The following AP3B1 variants were observed in gnomAD, a reference collection of about 807,000 sequenced individuals.
AP3B1 encodes AP-3 complex subunit beta-1.
In AP3B1, 61 loss-of-function variants were observed where a neutral mutation model predicts 132.5. The ratio of observed to expected loss-of-function variants is 0.46; its 90% confidence interval spans 0.37 to 0.57. The LOEUF is 0.57. AP3B1 is among the 20% of genes least tolerant of loss of function. The pLI is 0.00. For synonymous variants in AP3B1, 388 were observed against 438.3 expected (o/e 0.89, Z 1.43); for missense variants, 1,120 against 1,289.4 (o/e 0.87, Z 2.01).
intron 1 of AP3B1, among the ~76,000 whole-genome samples, chr5:78,279,882 G>GACTTAAATATATATATATA: frequency 7.3e-6 from 1 of 137,122 alleles, no homozygotes; most frequent in Non-Finnish European, 1.6e-5. Flanking sequence ...ATATATATAT[G>GACTTAAATATATATATATA]ACTTAAATAT....
intron 3 of AP3B1, among the ~76,000 whole-genome samples, chr5:78,229,246 GT>G (rs1405980244): frequency 6.6e-6 from 1 of 152,126 alleles, no homozygotes; most frequent in African/African-American, 2.4e-5. Flanking sequence ...TTGAAAACAA[GT>G]TTTAAAGGTA....
chr5:78,217,273 T>C (rs546168497), intron 6 of AP3B1, among the ~76,000 whole-genome samples: 9 of 152,274 alleles, frequency 5.9e-5, no homozygotes, highest in African/African-American at 1.9e-4. Context: ...TTTATTAATA[T>C]GCAACCAACA....
intron 6 of AP3B1, among the ~76,000 whole-genome samples, chr5:78,223,753 C>T (rs1401023873): frequency 6.6e-6 from 1 of 152,010 alleles, no homozygotes; most frequent in East Asian, 1.9e-4. Context: ...TATTATAAAC[C>T]CTACAAATCT....
intron 26 of AP3B1, among the ~76,000 whole-genome samples, chr5:78,006,669 A>G (rs1175821407): frequency 6.6e-6 from 1 of 152,214 alleles, no homozygotes; most frequent in Non-Finnish European, 1.5e-5. Flanking sequence ...ATGAGAACAA[A>G]TAAGTGCGAT....
chr5:78,272,153 C>T (rs1748573286), intron 1 of AP3B1, among the ~76,000 whole-genome samples: 1 of 152,178 alleles, frequency 6.6e-6, no homozygotes, highest in African/African-American at 2.4e-5. Flanking sequence ...AACAACTTAA[C>T]TCTTTCAAGT....
At chr5:78,104,316 T>TA (rs1751247033) in intron 20 of AP3B1, among the ~76,000 whole-genome samples, 1 of 152,202 alleles carries the variant, frequency 6.6e-6, no homozygotes, top group South Asian at 2.1e-4. Context: ...GACTTCTTTA[T>TA]AAGTTAAAAA....
chr5:78,034,545 C>G (rs1046168937), intron 23 of AP3B1, 100 bp from the exon 24 acceptor site: 1 of 898,596 alleles, frequency 1.1e-6, no homozygotes, highest in Non-Finnish European at 1.8e-6. Context: ...TTGGTTGAAA[C>G]TGTGAAATGT....
At chr5:78,273,359 CCACTG>C (rs1342945265) in intron 1 of AP3B1, among the ~76,000 whole-genome samples, 1 of 152,114 alleles carries the variant, frequency 6.6e-6, no homozygotes, top group Non-Finnish European at 1.5e-5. Flanking sequence ...CATGATGATG[CCACTG>C]CACTGTGGCC....
At position 78,168,119 on chromosome 5, in the gene AP3B1, AT is replaced by A. The variant is rs1292757131; in HGVS notation, c.1168-2448del. On this transcript the variant is annotated intron_variant, in intron 11 of 26. Coordinates refer to ENST00000255194, the MANE Select transcript of AP3B1 (RefSeq NM_003664.5). ...TCTTTACATATTCTGAGTACAAATCATTTATTCAGACACATGTATTAGAAAT... is the reference window on the plus strand; with the variant it reads ...TCTTTACATATTCTGAGTACAAATCATTATTCAGACACATGTATTAGAAAT... Among the ~76,000 whole-genome samples the A allele has an allele frequency of 2.0e-5, 3 of 151,828 alleles. No homozygotes were observed. The East Asian group carries it at 5.8e-4, about 29-fold the overall frequency.
At chr5:78,184,381 C>CA (rs1413626872) in intron 7 of AP3B1, among the ~76,000 whole-genome samples, 2 of 151,298 alleles carry the variant, frequency 1.3e-5, no homozygotes, top group East Asian at 2.0e-4. Flanking sequence ...AGACTAGGGA[C>CA]AAAAAAAATC....
chr5:78,210,213 T>C (rs1745678599), intron 7 of AP3B1, among the ~76,000 whole-genome samples: 1 of 152,152 alleles, frequency 6.6e-6, no homozygotes, highest in Non-Finnish European at 1.5e-5. Flanking sequence ...AAATTTGTTT[T>C]AACAAAGAAA....
intron 14 of AP3B1, among the ~76,000 whole-genome samples, chr5:78,152,195 T>A (rs1039489413): frequency 6.7e-6 from 1 of 148,520 alleles, no homozygotes; most frequent in Non-Finnish European, 1.5e-5. Flanking sequence ...AATGACCTTG[T>A]AGAATGAATT....
chr5:78,059,974 T>C (rs1420193834), intron 22 of AP3B1, among the ~76,000 whole-genome samples: 1 of 151,978 alleles, frequency 6.6e-6, no homozygotes, highest in East Asian at 1.9e-4. Flanking sequence ...ACAGACATGT[T>C]TCAATGGGGA....
At chr5:78,121,076 C>A (rs1752167755) in intron 17 of AP3B1, among the ~76,000 whole-genome samples, 1 of 152,160 alleles carries the variant, frequency 6.6e-6, no homozygotes, top group Admixed American at 6.6e-5. Flanking sequence ...AACTGAACAA[C>A]CTGCTCCTGA....
rs750787338 is a variant in AP3B1, at chr5:78,020,652, T to C, written c.2992+40A>G. 2.4e-5 allele frequency: 35 copies of C among 1,432,706 alleles called. No homozygotes were observed. In the South Asian group the frequency reaches 3.9e-4, roughly 16 times the overall value. The allele number at this position is 1,432,706 out of a possible 1,614,324, so 88.7% of individuals were successfully genotyped here. A position where few individuals can be genotyped will look rare whatever the true frequency, so the allele number is the denominator to read the frequency against. ...CTGTACAGGAATAAGCACATATTAT[T>C]TGGTATGTAAATTTCTAGTAAGTTG... On this transcript the variant is annotated intron_variant, in intron 25 of 26. Coordinates refer to ENST00000255194, the MANE Select transcript of AP3B1 (RefSeq NM_003664.5).
intron 1 of AP3B1, among the ~76,000 whole-genome samples, chr5:78,287,061 C>T (rs1408262517): frequency 6.6e-6 from 1 of 152,114 alleles, no homozygotes; most frequent in African/African-American, 2.4e-5. Context: ...ATTCTATGAG[C>T]ATTTATAACT....
chr5:78,174,070 G>T (rs1023250430), intron 11 of AP3B1, among the ~76,000 whole-genome samples: 5 of 152,074 alleles, frequency 3.3e-5, no homozygotes, highest in Non-Finnish European at 7.4e-5. Flanking sequence ...GTTTATTCTA[G>T]TTAGCCATTT....
At chr5:78,056,576 A>C (rs1748823446) in intron 22 of AP3B1, among the ~76,000 whole-genome samples, 1 of 152,202 alleles carries the variant, frequency 6.6e-6, no homozygotes, top group South Asian at 2.1e-4. Context: ...TACCATCCAA[A>C]GGCCTTTACA....
At chr5:78,193,623 A>C (rs1183563920) in intron 7 of AP3B1, among the ~76,000 whole-genome samples, 4 of 148,734 alleles carry the variant, frequency 2.7e-5, no homozygotes, top group Non-Finnish European at 5.9e-5. Flanking sequence ...AGAACTGCTT[A>C]ATCTTCTGAG....
Sources: gnomAD v4.1 joint callset for allele counts (sites outside exome capture counted in the v4.1 genomes callset) on GRCh38, gnomAD v4.1.1 for gene constraint, MANE v1.5 for transcripts, NCBI Gene and HGNC (gene_info 2026-07-23, HGNC 2026-07-21) for gene names.